AATK: variants seen among roughly 807,000 people sequenced by gnomAD.
AATK encodes lemur tail kinase 1.
A neutral mutation model predicts 114.3 loss-of-function variants in AATK; 91 were observed. That is an observed-to-expected ratio of 0.80 (90% CI 0.67 to 0.95). The LOEUF (loss-of-function observed/expected upper bound fraction) is 0.95, where lower values mean the gene tolerates loss of function less well. Ranked by LOEUF, AATK falls within the 40% of genes least tolerant of loss-of-function variation. The pLI is 0.00. For synonymous variants in AATK, 1,075 were observed against 916.5 expected, an observed-to-expected ratio of 1.17 and a Z score of -3.12; for missense variants, 2,176 against 1,965.2, an observed-to-expected ratio of 1.11 and a Z score of -2.03.
chr17:81,163,415 C>T (rs1316084022), intron 1 of AATK, among the ~76,000 whole-genome samples: 3 of 152,236 alleles, frequency 2.0e-5, no homozygotes, highest in African/African-American at 7.2e-5. Context: ...GTGTCACCCC[C>T]ATCACCCTGC....
At position 81,118,190 on chromosome 17, in the gene AATK, G is replaced by C. The variant is rs997018385; in HGVS notation, c.*212C>G. 5.2e-6 allele frequency: 3 copies of C among 578,374 alleles called. No individual in the cohort carries two copies. The highest frequency in any genetic ancestry group is 4.7e-4 in the Middle Eastern group (1 of 2,146). 35.8% of individuals were successfully genotyped at this position (578,374 alleles called of 1,614,324 possible). A position where few individuals can be genotyped will look rare whatever the true frequency, so the allele number is the denominator to read the frequency against. On this transcript the variant is annotated 3_prime_UTR_variant, in exon 14 of 14. Coordinates refer to ENST00000326724, the MANE Select transcript of AATK (RefSeq NM_001080395.3). ...TAGCAGCAAGCCTAAAAGCCCAGAC[G>C]AATTCTGCCTCTGGGGCGGAGCATG...
intron 12 of AATK, 62 bp downstream of exon 12, chr17:81,119,872 CCA>C: frequency 2.1e-6 from 3 of 1,399,526 alleles, no homozygotes; most frequent in Admixed American, 3.4e-5. Flanking sequence ...GCCCCGCCTC[CCA>C]CACAGCACGG....
intron 1 of AATK, among the ~76,000 whole-genome samples, chr17:81,148,824 A>G (rs1161339383): frequency 2.6e-5 from 4 of 152,206 alleles, no homozygotes; most frequent in Non-Finnish European, 4.4e-5. Context: ...ACACTCACGC[A>G]CACACCCTTG....
At position 81,119,403 on chromosome 17, in the gene AATK, T is replaced by C; in HGVS notation, c.4061A>G (p.Asp1354Gly). 1 of 1,551,904 alleles carries C rather than the reference T, an allele frequency of 6.4e-7. No individual in the cohort carries two copies. Among genetic ancestry groups the C allele is most frequent in the Non-Finnish European group, 8.6e-7 (1 of 1,156,174 alleles). Reference protein sequence around the residue: ...TSRFSITHVSDSDAESKRGPE... With the variant: ...TSRFSITHVSGSDAESKRGPE... ...ACCTCTCTTGGACTCGGCGTCCGAG[T>C]CAGACACGTGCGTGATGGAGAAGCG... Residue 1354 changes from aspartate (D) to glycine (G), a missense_variant, in exon 13 of 14, where the codon GAC becomes GGC. By Grantham distance (94) the Asp-to-Gly change is moderately conservative. Around this residue, in one of 4 missense-constraint regions of AATK, gnomAD observed 1,701 missense variants for 1,394.7 expected, o/e 1.22. Transcript: ENST00000326724.
In AATK at chr17:81,119,957, T is replaced by C. The variant is rs571625570; in HGVS notation, c.3862A>G (p.Asn1288Asp). 1.7e-5 allele frequency: 24 copies of C among 1,448,258 alleles called. No homozygotes were observed. In the South Asian group the frequency reaches 2.6e-4, roughly 16 times the overall value. 89.7% of individuals were successfully genotyped at this position (1,448,258 alleles called of 1,614,324 possible). ...TCACCCTCTTCCGCTGTGGAGCCAT[T>C]TGGGGAGCCATCAGCCTGCTGCGGC... ...NRPQQADGSP[N>D]GSTAEEGGGF... is the part of the protein sequence containing the mutation. Residue 1288 changes from asparagine to aspartate, a missense_variant, in exon 12 of 14, where the codon AAT (asparagine) becomes GAT (aspartate). Physicochemically the swap from Asn to Asp is conservative, Grantham distance 23 (BLOSUM62 1). Coordinates refer to ENST00000326724, the MANE Select transcript of AATK (RefSeq NM_001080395.3).
intron 1 of AATK, among the ~76,000 whole-genome samples, chr17:81,139,004 C>T (rs570442450): frequency 5.9e-5 from 9 of 151,640 alleles, no homozygotes; most frequent in South Asian, 2.1e-4. Context: ...CACGCATGCA[C>T]GCACCCCACA....
chr17:81,126,702 A>T lies in AATK; in HGVS notation c.622-142T>A. On this transcript the variant is annotated intron_variant, in intron 6 of 13. Transcript: ENST00000326724. The surrounding 1 kb of genome is among the most constrained non-coding windows in gnomAD (Gnocchi z 5.1). ...CCCAGAGCAGCCTCGTGCCCTGCAC[A>T]GTGGCCAGCACCCAGCAGTTCCTGG... 7.0e-7 allele frequency: 1 copy of T among 1,433,490 alleles called. No individual in the cohort carries two copies. Among genetic ancestry groups the T allele is most frequent in the Non-Finnish European group, 9.1e-7 (1 of 1,094,046 alleles). The allele number at this position is 1,433,490 out of a possible 1,614,324, so 88.8% of individuals were successfully genotyped here.
chr17:81,125,452 C>T (rs1027063986), intron 7 of AATK: 2 of 396,694 alleles, frequency 5.0e-6, no homozygotes, highest in Non-Finnish European at 1.1e-5. Flanking sequence ...CTGCCGGCTG[C>T]CGGAGTCCAG....
chr17:81,143,359 C>T (rs948521633), intron 1 of AATK, among the ~76,000 whole-genome samples: 16 of 152,196 alleles, frequency 1.1e-4, no homozygotes, highest in African/African-American at 3.9e-4. Context: ...CACTGCAGCA[C>T]AGGGTGGCCC....
chr17:81,162,523 C>G (rs974726610), intron 1 of AATK, among the ~76,000 whole-genome samples: 1 of 152,202 alleles, frequency 6.6e-6, no homozygotes, highest in Admixed American at 6.5e-5. Context: ...CCGGGGACCA[C>G]CCAGGCCCAT....
chr17:81,122,449 G>A lies in AATK; in HGVS notation c.1487C>T (p.Pro496Leu). The change falls in exon 11 of 14, where the codon CCT (proline) becomes CTT (leucine). Residue 496 changes from proline to leucine, a missense_variant. By Grantham distance (98) the Pro-to-Leu change is moderately conservative. Coordinates refer to ENST00000326724, the MANE Select transcript of AATK (RefSeq NM_001080395.3). ...CTCCTGCAGGCGTGCGGTGCGGCCA[G>A]GGCTCAGCGTGGCCGGGAAGGCCTC... ...GAEAFPATLS[P>L]GRTARLQELC... The A allele has an allele frequency of 6.9e-7, 1 of 1,455,504 alleles. No individual in the cohort carries two copies. Among genetic ancestry groups the A allele is most frequent in the South Asian group, 1.3e-5 (1 of 78,252 alleles). 90.2% of individuals were successfully genotyped at this position (1,455,504 alleles called of 1,614,324 possible).
intron 6 of AATK, 139 bp downstream of exon 6, chr17:81,127,444 T>C: frequency 1.2e-6 from 1 of 805,954 alleles, no homozygotes; most frequent in Non-Finnish European, 2.1e-6. Flanking sequence ...CTCTGGAAGG[T>C]GGTGGGGGCA....
intron 1 of AATK, among the ~76,000 whole-genome samples, chr17:81,152,560 G>A (rs1385528166): frequency 6.6e-6 from 1 of 152,110 alleles, no homozygotes; most frequent in Non-Finnish European, 1.5e-5. Context: ...CTCCAGCTTG[G>A]GCCACAGAGC....
chr17:81,148,910 G>T (rs76853839), intron 1 of AATK, among the ~76,000 whole-genome samples: 1 of 73,254 alleles, frequency 1.4e-5, no homozygotes, highest in African/African-American at 4.1e-5. Flanking sequence ...TGCTAGTGAG[G>T]AGCTTGGGAA....
Position 81,131,210 on chromosome 17 carries a change from G to A in AATK, c.190-5C>T, listed in dbSNP as rs1372063822. ...CCCCTCCGCATTCTCAAACTCCTGC[G>A]GGCCGGGCCGGGCATGAGCGGGGCT... On this transcript the variant is annotated splice_region_variant and splice_polypyrimidine_tract_variant and intron_variant, in intron 2 of 13. Coordinates refer to ENST00000326724, the MANE Select transcript of AATK (RefSeq NM_001080395.3). The A allele has an allele frequency of 9.6e-6, 15 of 1,567,452 alleles. No individual in the cohort carries two copies. The highest frequency in any genetic ancestry group is 1.7e-4 in the Middle Eastern group (1 of 6,034).
chr17:81,160,341 C>A (rs1468408041), intron 1 of AATK: 1 of 781,480 alleles, frequency 1.3e-6, no homozygotes, highest in African/African-American at 1.9e-5. Flanking sequence ...GCCGCAGCCC[C>A]CTGACCCCAG....
intron 1 of AATK, among the ~76,000 whole-genome samples, chr17:81,159,522 A>T (rs2061406011): frequency 6.6e-6 from 1 of 152,138 alleles, no homozygotes; most frequent in Admixed American, 6.5e-5. Context: ...AGGGGGTTCG[A>T]GGAAATTCCA....
At chr17:81,148,924 C>T (rs527422207) in intron 1 of AATK, among the ~76,000 whole-genome samples, 2 of 152,208 alleles carry the variant, frequency 1.3e-5, no homozygotes, top group African/African-American at 2.4e-5. Flanking sequence ...TTGGGAATAG[C>T]CCCCAGTTGG....
rs751713618 is a variant in AATK at position 81,119,465 on chromosome 17, G to A, written c.3999C>T (p.Pro1333=). ...APAAPTPTPA[P]FSRFTVSPAP... The stretch of plus-strand genomic sequence containing the variant: ...CGGGCGACACCGTGAAGCGCGAGAA[G>A]GGAGCGGGCGTGGGCGTGGGCGCAG... The change falls in exon 13 of 14, where the codon CCC becomes CCT. Residue 1333 remains proline (P), a synonymous_variant. Coordinates refer to ENST00000326724, the MANE Select transcript of AATK (RefSeq NM_001080395.3). The A allele has an allele frequency of 7.9e-6, 12 of 1,509,986 alleles. No individual in the cohort carries two copies. The African/African-American group carries it at 1.3e-4, about 17-fold the overall frequency. 93.5% of individuals were successfully genotyped at this position (1,509,986 alleles called of 1,614,324 possible). A position where few individuals can be genotyped will look rare whatever the true frequency, so the allele number is the denominator to read the frequency against.
Sources: allele counts gnomAD v4.1 joint callset (sites outside exome capture counted in the v4.1 genomes callset), GRCh38; gene constraint gnomAD v4.1.1; regional missense constraint gnomAD v4.1.1; non-coding constraint Gnocchi (gnomAD v3.1); transcripts MANE v1.5; gene names NCBI Gene and HGNC (gene_info 2026-07-23, HGNC 2026-07-21).